The following RANBP3L variants were observed in gnomAD, a reference collection of about 807,000 sequenced individuals.
RANBP3L encodes ran-binding protein 3-like.
RANBP3L carries 56 observed loss-of-function variants against 67.2 expected under a neutral mutation model. The ratio of observed to expected loss-of-function variants is 0.83; its 90% CI spans 0.67 to 1.04. The LOEUF is 1.04. Ranked by LOEUF, RANBP3L falls within the 50% of genes least tolerant of loss-of-function variation. The pLI is 0.00. For synonymous variants in RANBP3L, 164 were observed against 181.4 expected (o/e 0.90, Z 0.77); for missense variants, 496 against 535.5 (o/e 0.93, Z 0.73).
intron 1 of RANBP3L, among the ~76,000 whole-genome samples, chr5:36,281,415 T>A (rs1327207394): frequency 6.6e-6 from 1 of 152,186 alleles, no homozygotes; most frequent in Non-Finnish European, 1.5e-5. Flanking sequence ...CTGTCTCAGG[T>A]CACACAGATA....
chr5:36,252,864 A>G (rs542376588), intron 12 of RANBP3L, among the ~76,000 whole-genome samples: 29 of 152,102 alleles, frequency 1.9e-4, no homozygotes, highest in African/African-American at 7.0e-4. Flanking sequence ...TAGCTAATAA[A>G]CTTTGGTTTT....
At chr5:36,253,564 A>G (rs1748746343) in intron 12 of RANBP3L, 83 bp downstream of exon 12, 3 of 1,117,746 alleles carry the variant, frequency 2.7e-6, no homozygotes, top group Non-Finnish European at 4.0e-6. Context: ...AGATTATTAT[A>G]CCTAATGAAA....
chr5:36,291,182 T>A (rs944072237), intron 1 of RANBP3L, among the ~76,000 whole-genome samples: 1 of 152,028 alleles, frequency 6.6e-6, no homozygotes, highest in African/African-American at 2.4e-5. Flanking sequence ...CTTGCAAAAC[T>A]GAAACCCTGT....
intron 9 of RANBP3L, 27 bp downstream of exon 9, chr5:36,257,427 A>G (rs542050330): frequency 4.6e-6 from 5 of 1,086,764 alleles, no homozygotes; most frequent in Admixed American, 1.8e-5. Flanking sequence ...GGTGAATCTA[A>G]TGTTTTACAA....
Position 36,264,873 on chromosome 5 carries a change from C to T in RANBP3L, c.480+86G>A, listed in dbSNP as rs1335174847. 2.5e-6 allele frequency: 3 copies of T among 1,196,704 alleles called. No homozygotes were observed. The Admixed American group carries it at 6.2e-5, about 25-fold the overall frequency. 74.1% of individuals were successfully genotyped at this position (1,196,704 alleles called of 1,614,324 possible). On this transcript the variant is annotated intron_variant, in intron 6 of 13. Transcript: ENST00000296604. ...CAACAAAACAAAGCTCAGACAACTC[C>T]TATTTCTGGATATGGGGGCCCCAAA... is the stretch of plus-strand genomic sequence containing the variant.
chr5:36,296,547 T>C (rs1049549418), intron 1 of RANBP3L, among the ~76,000 whole-genome samples: 3 of 152,220 alleles, frequency 2.0e-5, no homozygotes, highest in Non-Finnish European at 2.9e-5. Flanking sequence ...CAGCTGTATG[T>C]GGCAGAAAGT....
In RANBP3L at chr5:36,271,279, A is replaced by T. The variant is rs555540890; in HGVS notation, c.124T>A (p.Phe42Ile). ...KSVIAQPIFV[F>I]EKGEQTFKRP... Reference sequence around the variant, plus strand: ...TTAAAAGTTTGTTCTCCCTTTTCAAAAACAAATATGGGTTGAGCAATGACA... The same window carrying T: ...TTAAAAGTTTGTTCTCCCTTTTCAATAACAAATATGGGTTGAGCAATGACA... The change falls in exon 2 of 14, where the codon TTT (phenylalanine) becomes ATT (isoleucine). Residue 42 changes from phenylalanine (F) to isoleucine (I), a missense_variant. Transcript: ENST00000296604. The T allele has an allele frequency of 4.1e-5, 65 of 1,590,964 alleles. 2 individuals are homozygous for T. The Middle Eastern group carries it at 3.0e-3, about 74-fold the overall frequency.
At chr5:36,267,361 G>C (rs1032133289) in intron 4 of RANBP3L, among the ~76,000 whole-genome samples, 1 of 152,010 alleles carries the variant, frequency 6.6e-6, no homozygotes, top group Non-Finnish European at 1.5e-5. Context: ...ACAAAAATTA[G>C]CTGGGCATGG....
At chr5:36,272,636 T>A (rs1750301253) in intron 1 of RANBP3L, among the ~76,000 whole-genome samples, 1 of 152,064 alleles carries the variant, frequency 6.6e-6, no homozygotes, top group Non-Finnish European at 1.5e-5. Flanking sequence ...GGTTTTTTTG[T>A]TTGTTTTTGT....
rs1748434969 is a variant in RANBP3L at position 36,249,119 on chromosome 5, A to G, written c.*535T>C. On this transcript the variant is annotated 3_prime_UTR_variant, in exon 14 of 14. Transcript: ENST00000296604. ...GCAGATGCTCTTTTTAAAGGAATTC[A>G]TACCATGAATATATAAGCTTATCAT... is the stretch of plus-strand genomic sequence containing the variant. 1 of 152,124 alleles carries G rather than the reference A, an allele frequency of 6.6e-6. No homozygotes were observed. The highest frequency in any genetic ancestry group is 6.5e-5 in the Admixed American group (1 of 15,278). The allele number at this position is 152,124 out of a possible 1,614,324, so 9.4% of individuals were successfully genotyped here. A position where few individuals can be genotyped will look rare whatever the true frequency, so the allele number is the denominator to read the frequency against.
chr5:36,252,701 C>T (rs796182940), intron 12 of RANBP3L, among the ~76,000 whole-genome samples: 1 of 152,178 alleles, frequency 6.6e-6, no homozygotes, highest in African/African-American at 2.4e-5. Context: ...CAGTCTCTGG[C>T]ATGCTACTTT....
At chr5:36,288,503 G>A (rs981840154) in intron 1 of RANBP3L, among the ~76,000 whole-genome samples, 7 of 152,046 alleles carry the variant, frequency 4.6e-5, no homozygotes, top group Non-Finnish European at 7.4e-5. Context: ...ACCTAAATAC[G>A]GAACTGTTGG....
At chr5:36,254,530 G>GGAA in intron 11 of RANBP3L, among the ~76,000 whole-genome samples, 1 of 151,970 alleles carries the variant, frequency 6.6e-6, no homozygotes, top group South Asian at 2.1e-4. Flanking sequence ...TTGGCAGGCA[G>GGAA]TGGAATCAAA....
At chr5:36,251,281 A>G (rs1435099766) in intron 13 of RANBP3L, 32 bp downstream of exon 13, 2 of 1,562,746 alleles carry the variant, frequency 1.3e-6, no homozygotes, top group Non-Finnish European at 1.7e-6. Flanking sequence ...TCTTTTTTAA[A>G]CCTCTGAACT....
Position 36,269,998 on chromosome 5 carries a change from G to A in RANBP3L, c.151-8C>T. On this transcript the variant is annotated splice_region_variant and splice_polypyrimidine_tract_variant and intron_variant, in intron 2 of 13. Transcript: ENST00000296604. ...GGTGTCTTCTGCAGGTCTCTGAAAGGAAACAAAACCACTGAGGAGAGCTGA... is the reference window on the plus strand; with the variant it reads ...GGTGTCTTCTGCAGGTCTCTGAAAGAAAACAAAACCACTGAGGAGAGCTGA... 1 of 1,612,318 alleles carries A rather than the reference G, an allele frequency of 6.2e-7. No homozygotes were observed.
intron 1 of RANBP3L, among the ~76,000 whole-genome samples, chr5:36,272,933 C>T (rs935773478): frequency 1.3e-5 from 2 of 152,158 alleles, no homozygotes; most frequent in South Asian, 2.1e-4. Context: ...TGAGCCACCA[C>T]ACCTGGCCTT....
At position 36,265,373 on chromosome 5, in the gene RANBP3L, G is replaced by A. The variant is rs889909503; in HGVS notation, c.340+76C>T. 5.5e-5 allele frequency: 51 copies of A among 926,966 alleles called. 1 individual carries two copies. Among genetic ancestry groups the A allele is most frequent in the South Asian group, 3.9e-4 (24 of 61,498 alleles). The allele number at this position is 926,966 out of a possible 1,614,324, so 57.4% of individuals were successfully genotyped here. On this transcript the variant is annotated intron_variant, in intron 5 of 13. Coordinates refer to ENST00000296604, the MANE Select transcript of RANBP3L (RefSeq NM_145000.5). ...ACCTACCTCCATGCCCCCAACACAC[G>A]CACACATATAGGGAGATGAAAATAT...
At chr5:36,285,605 GA>G (rs1751265772) in intron 1 of RANBP3L, among the ~76,000 whole-genome samples, 3 of 152,264 alleles carry the variant, frequency 2.0e-5, no homozygotes, top group South Asian at 4.1e-4. Context: ...ATTGACTTTA[GA>G]AGACACCAGC....
chr5:36,268,130 C>T, intron 4 of RANBP3L: 1 of 1,101,590 alleles, frequency 9.1e-7, no homozygotes, highest in Middle Eastern at 2.0e-4. Flanking sequence ...GAAAAGTCAT[C>T]ATTAATAAGA....
Sources: gnomAD v4.1 joint callset for allele counts (sites outside exome capture counted in the v4.1 genomes callset) on GRCh38, gnomAD v4.1.1 for gene constraint, MANE v1.5 for transcripts, NCBI Gene and HGNC (gene_info 2026-07-23, HGNC 2026-07-21) for gene names.